Variants in THEMIS observed in about 807,000 individuals in gnomAD.
THEMIS encodes the protein thymocyte selection associated.
THEMIS carries 37 observed loss-of-function variants against 52.6 expected under a neutral mutation model. The ratio of observed to expected loss-of-function variants is 0.70; its 90% confidence interval spans 0.54 to 0.93. The LOEUF (loss-of-function observed/expected upper bound fraction) is 0.93. Among genes scored for constraint, THEMIS ranks in the 40% least tolerant of loss-of-function variants. The pLI is 0.00. For synonymous variants in THEMIS, 292 were observed against 272.7 expected (o/e 1.07, Z -0.70); for missense variants, 808 against 763.1 (o/e 1.06, Z -0.69).
chr6:127,793,135 C>A (rs1050083925), intron 4 of THEMIS, among the ~76,000 whole-genome samples: 3 of 152,180 alleles, frequency 2.0e-5, no homozygotes, highest in African/African-American at 7.2e-5. Context: ...AAGGAATAGT[C>A]TGCACTATTG....
At position 127,733,133 on chromosome 6, in the gene THEMIS, G is replaced by T. The variant is rs150014240; in HGVS notation, c.1759-13310C>A. ...ATTGCTCATTGGAAGTACTTATTGT[G>T]AAATACCTAATTTGTGAAGTAACTA... On this transcript the variant is annotated intron_variant, in intron 4 of 5. Transcript: ENST00000368248. Among the ~76,000 whole-genome samples the T allele has an allele frequency of 9.7e-4, 147 of 152,306 alleles. 1 individual carries two copies. Among genetic ancestry groups the T allele is most frequent in the African/African-American group, 3.4e-3 (142 of 41,570 alleles).
intron 1 of THEMIS, among the ~76,000 whole-genome samples, chr6:127,909,385 T>A (rs1378459043): frequency 6.6e-6 from 1 of 152,088 alleles, no homozygotes; most frequent in African/African-American, 2.4e-5. Flanking sequence ...CATCATCCTG[T>A]TCTCATGATA....
intron 4 of THEMIS, among the ~76,000 whole-genome samples, chr6:127,734,743 G>A (rs757729458): frequency 1.3e-5 from 2 of 150,768 alleles, no homozygotes; most frequent in African/African-American, 4.9e-5. Flanking sequence ...GGTGGCACGC[G>A]CCGTAGTCCC....
intron 4 of THEMIS, among the ~76,000 whole-genome samples, chr6:127,760,361 C>G (rs1775980869): frequency 6.6e-6 from 1 of 152,120 alleles, no homozygotes; most frequent in Non-Finnish European, 1.5e-5. Context: ...TTTGACTATT[C>G]ATGGCCTTCA....
chr6:127,714,823 G>T (rs906219447), intron 5 of THEMIS, among the ~76,000 whole-genome samples: 2 of 151,822 alleles, frequency 1.3e-5, no homozygotes, highest in African/African-American at 2.4e-5. Context: ...AAAAGAAAAA[G>T]GTTGCTTTGC....
intron 4 of THEMIS, among the ~76,000 whole-genome samples, chr6:127,794,736 G>A (rs889380918): frequency 3.3e-5 from 5 of 152,056 alleles, no homozygotes; most frequent in African/African-American, 1.2e-4. Context: ...TCTCAGTAAG[G>A]TACACCTTGA....
chr6:127,750,216 A>G (rs946259620), intron 4 of THEMIS, among the ~76,000 whole-genome samples: 1 of 151,474 alleles, frequency 6.6e-6, no homozygotes, highest in Non-Finnish European at 1.5e-5. Context: ...CTAATTAATA[A>G]CATATTCTGG....
intron 1 of THEMIS, among the ~76,000 whole-genome samples, chr6:127,908,762 T>TC (rs1169926502): frequency 1.3e-5 from 2 of 152,152 alleles, no homozygotes; most frequent in Non-Finnish European, 1.5e-5. Context: ...CTGCAATATG[T>TC]CTGTAGAAAG....
chr6:127,813,997 C>A (rs1035788343), intron 3 of THEMIS, 66 bp from the exon 4 acceptor site: 9 of 1,264,608 alleles, frequency 7.1e-6, no homozygotes, highest in Non-Finnish European at 8.6e-6. Context: ...GAGATACTCT[C>A]CTGATGCCAT....
rs555396353 is a variant in THEMIS, at chr6:127,840,233, T to A, written c.251-10299A>T. 1.4e-3 allele frequency among the ~76,000 whole-genome samples: 209 copies of A among 152,218 alleles called. 2 individuals carry two copies. Among genetic ancestry groups the A allele is most frequent in the Middle Eastern group, 6.8e-3 (2 of 294 alleles). The stretch of plus-strand genomic sequence containing the variant: ...CAGAAATGCAGACAAAATGTTAGTT[T>A]AAAAGGCTGTTCATCACAGTACAAA... On this transcript the variant is annotated intron_variant, in intron 2 of 5. Transcript: ENST00000368248.
At chr6:127,754,141 G>C (rs1209179448) in intron 4 of THEMIS, among the ~76,000 whole-genome samples, 1 of 149,982 alleles carries the variant, frequency 6.7e-6, no homozygotes, top group African/African-American at 2.5e-5. Context: ...TTTTTTAAAT[G>C]CTTTACAAAA....
intron 1 of THEMIS, among the ~76,000 whole-genome samples, chr6:127,864,181 A>G (rs1200776054): frequency 6.6e-6 from 1 of 152,128 alleles, no homozygotes; most frequent in Admixed American, 6.6e-5. Flanking sequence ...AAGATGATCT[A>G]TAGTAGATTA....
intron 1 of THEMIS, among the ~76,000 whole-genome samples, chr6:127,893,920 A>G (rs1158856788): frequency 6.6e-6 from 1 of 152,150 alleles, no homozygotes; most frequent in Admixed American, 6.6e-5. Context: ...ATATACCAAA[A>G]GAAAGCTGGA....
chr6:127,756,023 T>C (rs1017361617), intron 4 of THEMIS, among the ~76,000 whole-genome samples: 1 of 148,744 alleles, frequency 6.7e-6, no homozygotes, highest in African/African-American at 2.5e-5. Flanking sequence ...TGAGACTCCA[T>C]CTCAAAAAAA....
intron 4 of THEMIS, among the ~76,000 whole-genome samples, chr6:127,747,196 A>G (rs1775473599): frequency 7.7e-6 from 1 of 129,984 alleles, no homozygotes; most frequent in Non-Finnish European, 1.6e-5. Context: ...AATTACAGAT[A>G]TCTATCATAT....
chr6:127,886,902 A>C (rs1780663234), intron 1 of THEMIS, among the ~76,000 whole-genome samples: 1 of 152,062 alleles, frequency 6.6e-6, no homozygotes, highest in African/African-American at 2.4e-5. Flanking sequence ...TCTTCTAGAG[A>C]ATTAGTGAGG....
chr6:127,894,916 T>C (rs1402415380), intron 1 of THEMIS, among the ~76,000 whole-genome samples: 1 of 150,714 alleles, frequency 6.6e-6, no homozygotes, highest in African/African-American at 2.4e-5. Flanking sequence ...ATCCTAAATA[T>C]AATATCAAAT....
intron 1 of THEMIS, among the ~76,000 whole-genome samples, chr6:127,868,950 A>C (rs767677420): frequency 6.6e-6 from 1 of 152,204 alleles, no homozygotes; most frequent in Non-Finnish European, 1.5e-5. Context: ...TGAGCAAATG[A>C]TGTTTTCTGA....
rs569209695 is a variant in THEMIS at position 127,709,311 on chromosome 6, T to A, written c.*674A>T. On this transcript the variant is annotated 3_prime_UTR_variant, in exon 6 of 6. Coordinates refer to ENST00000368248, the MANE Select transcript of THEMIS (RefSeq NM_001010923.3). ...GAATATTAAGACATCGTCTCAGAAATCTGGTGAAATTTCAGTCATGAGCTT... is the reference window on the plus strand; with the variant it reads ...GAATATTAAGACATCGTCTCAGAAAACTGGTGAAATTTCAGTCATGAGCTT... 1 of 152,188 alleles carries A rather than the reference T, an allele frequency of 6.6e-6. No homozygotes were observed. Among genetic ancestry groups the A allele is most frequent in the East Asian group, 1.9e-4 (1 of 5,172 alleles). 9.4% of individuals were successfully genotyped at this position (152,188 alleles called of 1,614,324 possible). A position where few individuals can be genotyped will look rare whatever the true frequency, so the allele number is the denominator to read the frequency against.
Sources: allele counts gnomAD v4.1 joint callset (sites outside exome capture counted in the v4.1 genomes callset), GRCh38; gene constraint gnomAD v4.1.1; transcripts MANE v1.5; gene names NCBI Gene and HGNC (gene_info 2026-07-23, HGNC 2026-07-21).